ADAMTS17: variants seen among roughly 807,000 people sequenced by gnomAD.
The protein encoded by ADAMTS17 is ADAM metallopeptidase with thrombospondin type 1 motif 17.
In ADAMTS17, 113 loss-of-function variants were observed where a neutral mutation model predicts 141.5. The observed-to-expected ratio is 0.80, with a 90% CI of 0.69 to 0.93. The LOEUF (loss-of-function observed/expected upper bound fraction) is 0.93, where lower values mean the gene tolerates loss of function less well. Ranked by LOEUF, ADAMTS17 falls within the 40% of genes least tolerant of loss-of-function variation. ADAMTS17 has a pLI of 0.00. For missense variants in ADAMTS17, 1,659 were observed against 1,517.9 expected (o/e 1.09, Z -1.54); for synonymous variants, 768 against 630.6 (o/e 1.22, Z -3.27).
At position 100,051,595 on chromosome 15, in the gene ADAMTS17, C is replaced by G; in HGVS notation, c.2432G>C (p.Gly811Ala). ...LFIWTHSGWE[G>A]CSVQCGGGER... ...ACCTCCGCCGCACTGCACACTGCAC[C>G]CTTCCCAGCCGCTGTGGGTCCAGAT... Residue 811 changes from glycine to alanine, a missense_variant, in exon 17 of 22, where the codon GGG becomes GCG. Gly to Ala is a moderately conservative substitution (Grantham distance 60). Transcript: ENST00000268070. 4 of 1,613,970 alleles carry G rather than the reference C, an allele frequency of 2.5e-6. No homozygotes were observed. The highest frequency in any genetic ancestry group is 3.4e-6 in the Non-Finnish European group (4 of 1,179,960).
At chr15:100,060,792 G>A (rs559778650) in intron 15 of ADAMTS17, among the ~76,000 whole-genome samples, 5 of 152,314 alleles carry the variant, frequency 3.3e-5, no homozygotes, top group Admixed American at 2.0e-4. Context: ...AGCCAGCGTG[G>A]GCTGAAGGTA....
Position 100,262,375 on chromosome 15 carries a change from G to T in ADAMTS17, c.850C>A (p.Leu284Ile), listed in dbSNP as rs750264040. 5.0e-6 allele frequency: 8 copies of T among 1,614,006 alleles called. No individual in the cohort carries two copies. The South Asian group carries it at 7.7e-5, about 16-fold the overall frequency. The change falls in exon 5 of 22, where the codon CTT becomes ATT. Residue 284 changes from leucine to isoleucine, a missense_variant. By Grantham distance (5) the Leu-to-Ile change is conservative. Transcript: ENST00000268070. ...GIKINIQVTK[L>I]VLLRQRPAKL... Reference sequence around the variant, plus strand: ...ACGGGACGTTGTCGTAGCAGGACAAGCTTGGTCACTTGAATGTTAATTTTA... The same window carrying T: ...ACGGGACGTTGTCGTAGCAGGACAATCTTGGTCACTTGAATGTTAATTTTA...
Position 100,093,353 on chromosome 15 carries a change from T to C in ADAMTS17, c.2137+3003A>G, listed in dbSNP as rs982422350. ...CACAAAATTGGGCAAAAATCCAGCA[T>C]TTGATTCCGCTTTATCTTTCTGGTG... On this transcript the variant is annotated intron_variant, in intron 15 of 21. Coordinates refer to ENST00000268070, the MANE Select transcript of ADAMTS17 (RefSeq NM_139057.4). Among the ~76,000 whole-genome samples, 9 of 152,160 alleles carry C rather than the reference T, an allele frequency of 5.9e-5. 1 individual carries two copies. The highest frequency in any genetic ancestry group is 2.2e-4 in the African/African-American group (9 of 41,436).
chr15:100,298,773 G>C (rs1328047257), intron 3 of ADAMTS17, among the ~76,000 whole-genome samples: 1 of 152,142 alleles, frequency 6.6e-6, no homozygotes, highest in East Asian at 1.9e-4. Context: ...CGAAAATAAA[G>C]GAGACCACCA....
At chr15:100,325,401 C>T (rs2045868091) in intron 3 of ADAMTS17, among the ~76,000 whole-genome samples, 1 of 152,162 alleles carries the variant, frequency 6.6e-6, no homozygotes, top group Admixed American at 6.5e-5. Context: ...CTGGGATCCT[C>T]CTAAGAGGAA....
intron 18 of ADAMTS17, among the ~76,000 whole-genome samples, chr15:100,033,516 T>C (rs1176897951): frequency 6.7e-6 from 1 of 148,362 alleles, no homozygotes; most frequent in African/African-American, 2.7e-5. Flanking sequence ...GGTTAGATCA[T>C]GACCTTAGCC....
At chr15:99,984,081 C>T (rs750829495) in intron 20 of ADAMTS17, among the ~76,000 whole-genome samples, 13 of 152,288 alleles carry the variant, frequency 8.5e-5, no homozygotes, top group South Asian at 2.1e-4. Flanking sequence ...CCCCCTGCGA[C>T]GCCTGCTTTC....
intron 20 of ADAMTS17, among the ~76,000 whole-genome samples, chr15:99,978,059 G>T (rs938465096): frequency 1.3e-5 from 2 of 152,224 alleles, no homozygotes; most frequent in Non-Finnish European, 2.9e-5. Flanking sequence ...AATGCCACAC[G>T]TGGTGAGGGA....
chr15:100,298,143 G>T (rs2044889759), intron 3 of ADAMTS17, among the ~76,000 whole-genome samples: 2 of 152,156 alleles, frequency 1.3e-5, no homozygotes, highest in Non-Finnish European at 1.5e-5. Context: ...CGCAAACTTT[G>T]GAGAAGTCTG....
In ADAMTS17 at chr15:100,133,247, A is replaced by G. The variant is rs761765897; in HGVS notation, c.1542T>C (p.Pro514=). 1.5e-5 allele frequency: 24 copies of G among 1,599,146 alleles called. No homozygotes were observed. The highest frequency in any genetic ancestry group is 1.9e-5 in the Non-Finnish European group (22 of 1,171,742). The part of the protein sequence containing the change: ...GDTSCKTKLD[P]PLDGTECGAD... ...CCCCACACTCGGTGCCATCCAGGGG[A>G]GGGTCCAGCTTGGTCTTGCAGGATG... Residue 514 remains proline, a synonymous_variant, in exon 11 of 22, where the codon CCT becomes CCC. Coordinates refer to ENST00000268070, the MANE Select transcript of ADAMTS17 (RefSeq NM_139057.4).
At chr15:100,315,367 GAAC>G (rs1223717025) in intron 3 of ADAMTS17, among the ~76,000 whole-genome samples, 1 of 152,170 alleles carries the variant, frequency 6.6e-6, no homozygotes, top group Non-Finnish European at 1.5e-5. Flanking sequence ...TCAGGGGACA[GAAC>G]AACACTGGTG....
rs777030019 is a variant in ADAMTS17, at chr15:99,974,534, G to C, written c.3156C>G (p.Asp1052Glu). The stretch of plus-strand genomic sequence containing the variant: ...TGACCCGGCAATATACCGTCCACTG[G>C]TCTCGTGTGCATTTGTAGGTCAGAG... ...LAALTYKCTR[D>E]QWTVYCRVIR... The change falls in exon 22 of 22, where the codon GAC becomes GAG. Residue 1052 changes from aspartate (D) to glutamate (E), a missense_variant. Coordinates refer to ENST00000268070, the MANE Select transcript of ADAMTS17 (RefSeq NM_139057.4). 4.3e-6 allele frequency: 7 copies of C among 1,614,256 alleles called. No homozygotes were observed. The highest frequency in any genetic ancestry group is 5.9e-6 in the Non-Finnish European group (7 of 1,180,046).
intron 3 of ADAMTS17, among the ~76,000 whole-genome samples, chr15:100,312,862 G>A (rs1043644044): frequency 5.3e-5 from 8 of 152,030 alleles, no homozygotes; most frequent in African/African-American, 1.9e-4. Context: ...TGCAATCTAG[G>A]GTGACCTCCA....
At chr15:100,134,220 G>C (rs564340791) in intron 10 of ADAMTS17, among the ~76,000 whole-genome samples, 13 of 152,202 alleles carry the variant, frequency 8.5e-5, no homozygotes, top group East Asian at 3.9e-4. Context: ...AGAGGGTCCT[G>C]GGGGGGATGG....
intron 8 of ADAMTS17, among the ~76,000 whole-genome samples, chr15:100,196,482 C>A (rs2041120916): frequency 6.6e-6 from 1 of 152,228 alleles, no homozygotes; most frequent in Non-Finnish European, 1.5e-5. Context: ...CACCAATCGC[C>A]CTACGACGCA....
At chr15:100,084,573 C>T (rs1427208004) in intron 15 of ADAMTS17, among the ~76,000 whole-genome samples, 2 of 152,224 alleles carry the variant, frequency 1.3e-5, no homozygotes, top group African/African-American at 4.8e-5. Context: ...CCCCGAGTAG[C>T]CTAAATGGGA....
intron 4 of ADAMTS17, among the ~76,000 whole-genome samples, chr15:100,270,305 T>C (rs2043860650): frequency 2.6e-5 from 4 of 152,202 alleles, no homozygotes; most frequent in African/African-American, 7.2e-5. Context: ...ATCTTCTCCA[T>C]CTTGTACCAC....
intron 8 of ADAMTS17, among the ~76,000 whole-genome samples, chr15:100,158,467 T>C (rs371772162): frequency 2.9e-4 from 44 of 152,332 alleles, no homozygotes; most frequent in African/African-American, 9.6e-4. Context: ...ACACTTCACA[T>C]GAGAGCTGCC....
intron 7 of ADAMTS17, among the ~76,000 whole-genome samples, chr15:100,219,427 C>G (rs1455330766): frequency 6.6e-6 from 1 of 152,152 alleles, no homozygotes; most frequent in African/African-American, 2.4e-5. Context: ...AATGTTTTTT[C>G]CTACTTATAA....
Sources: allele counts gnomAD v4.1 joint callset (sites outside exome capture counted in the v4.1 genomes callset), GRCh38; gene constraint gnomAD v4.1.1; transcripts MANE v1.5; gene names NCBI Gene and HGNC (gene_info 2026-07-23, HGNC 2026-07-21).